Variants in CC2D2B observed in about 807,000 individuals in gnomAD.
The protein encoded by CC2D2B is protein CC2D2B.
Under a neutral mutation model 161.2 loss-of-function variants are expected in CC2D2B, and 128 were observed. The ratio of observed to expected loss-of-function variants is 0.79; its 90% CI spans 0.69 to 0.92. The LOEUF is 0.92. Among genes scored for constraint, CC2D2B ranks in the 40% least tolerant of loss-of-function variants. The probability of loss-of-function intolerance (pLI) is 0.00; values close to 1 mark genes in which losing one functional copy is unlikely to be tolerated. For missense variants in CC2D2B, 1,173 were observed against 1,375.1 expected, an observed-to-expected ratio of 0.85 and a Z score of 2.32; for synonymous variants, 391 against 449.8, an observed-to-expected ratio of 0.87 and a Z score of 1.65.
intron 33 of CC2D2B, among the ~76,000 whole-genome samples, chr10:96,026,639 T>C (rs1344356): frequency 0.52 from 78,857 of 151,832 alleles, 20,950 homozygotes; most frequent in East Asian, 0.82. Context: ...GCTGCCTACA[T>C]ACGGGTAACT....
In CC2D2B at chr10:95,961,868, C is replaced by T; in HGVS notation, c.1149C>T (p.Asp383=). 1.6e-6 allele frequency: 2 copies of T among 1,231,492 alleles called. No individual in the cohort carries two copies. Among genetic ancestry groups the T allele is most frequent in the South Asian group, 8.2e-5 (2 of 24,316 alleles). The allele number at this position is 1,231,492 out of a possible 1,614,324, so 76.3% of individuals were successfully genotyped here. Residue 383 remains aspartate, a synonymous_variant, in exon 12 of 35, where the codon GAC becomes GAT. Coordinates refer to ENST00000646931, the MANE Select transcript of CC2D2B (RefSeq NM_001349008.3). ...KQMYDLERGK[D]LSLLHSILRT... Reference sequence around the variant, plus strand: ...TGTATGACTTAGAAAGGGGAAAGGACCTCTCCCTACTACACAGTATATTAC... The same window carrying T: ...TGTATGACTTAGAAAGGGGAAAGGATCTCTCCCTACTACACAGTATATTAC...
At chr10:95,909,462 C>A (rs550389044) in intron 1 of CC2D2B, among the ~76,000 whole-genome samples, 3 of 152,182 alleles carry the variant, frequency 2.0e-5, no homozygotes, top group Non-Finnish European at 1.5e-5. Flanking sequence ...GGAAACATTG[C>A]TATAAGAGAG....
chr10:96,002,971 G>C (rs373006907), intron 24 of CC2D2B, among the ~76,000 whole-genome samples: 2 of 149,918 alleles, frequency 1.3e-5, no homozygotes, highest in East Asian at 3.9e-4. Context: ...TTGAGCCCAG[G>C]AGTTCAAGAT....
chr10:95,925,429 C>CT (rs2098536692), intron 5 of CC2D2B, among the ~76,000 whole-genome samples: 1 of 152,182 alleles, frequency 6.6e-6, no homozygotes, highest in Non-Finnish European at 1.5e-5. Flanking sequence ...CTGCTTCAGT[C>CT]TAATAGCCTC....
chr10:95,925,245 A>C (rs1456655361), intron 5 of CC2D2B, among the ~76,000 whole-genome samples: 1 of 152,204 alleles, frequency 6.6e-6, no homozygotes, highest in Non-Finnish European at 1.5e-5. Flanking sequence ...TGCATGCGGA[A>C]GCAAGGCAAA....
At chr10:95,942,978 ATGTCTTGGC>A (rs2076073271) in intron 9 of CC2D2B, among the ~76,000 whole-genome samples, 1 of 152,208 alleles carries the variant, frequency 6.6e-6, no homozygotes, top group East Asian at 1.9e-4. Context: ...GATTTCTGAA[ATGTCTTGGC>A]TCTATTCCCT....
chr10:95,988,599 T>G (rs1480971385), intron 20 of CC2D2B, among the ~76,000 whole-genome samples: 2 of 152,184 alleles, frequency 1.3e-5, no homozygotes, highest in Non-Finnish European at 2.9e-5. Flanking sequence ...ACTTCCCATC[T>G]CTTCTTTGAC....
intron 30 of CC2D2B, among the ~76,000 whole-genome samples, chr10:96,017,488 C>G (rs557087332): frequency 6.6e-6 from 1 of 152,258 alleles, no homozygotes; most frequent in East Asian, 1.9e-4. Context: ...ACAGTTTCAC[C>G]TCAGCCATGG....
At chr10:95,954,499 C>A (rs867444308) in intron 10 of CC2D2B, among the ~76,000 whole-genome samples, 1 of 152,208 alleles carries the variant, frequency 6.6e-6, no homozygotes, top group Middle Eastern at 3.4e-3. Context: ...GTTTCATTAC[C>A]ATATTTAATT....
chr10:95,969,158 A>G (rs2077038437), intron 15 of CC2D2B, among the ~76,000 whole-genome samples: 1 of 152,178 alleles, frequency 6.6e-6, no homozygotes, highest in Non-Finnish European at 1.5e-5. Context: ...GATGTGCAGC[A>G]CTACTATTCA....
chr10:95,943,405 T>C (rs1307377348), intron 9 of CC2D2B, among the ~76,000 whole-genome samples: 1 of 152,220 alleles, frequency 6.6e-6, no homozygotes, highest in Non-Finnish European at 1.5e-5. Flanking sequence ...GAACTACTTC[T>C]ATTATAAATC....
At chr10:95,995,389 A>G (rs2078191401) in intron 23 of CC2D2B, 24 bp downstream of exon 23, 1 of 1,102,954 alleles carries the variant, frequency 9.1e-7, no homozygotes, top group African/African-American at 1.6e-5. Flanking sequence ...ACTTCTATAA[A>G]GTATAATATT....
intron 10 of CC2D2B, among the ~76,000 whole-genome samples, chr10:95,952,698 A>G (rs2076444514): frequency 6.6e-6 from 1 of 151,894 alleles, no homozygotes; most frequent in Non-Finnish European, 1.5e-5. Flanking sequence ...TGAAATTAAT[A>G]CTCTATCTTG....
At chr10:96,003,106 G>A (rs530836365) in intron 24 of CC2D2B, among the ~76,000 whole-genome samples, 4 of 151,504 alleles carry the variant, frequency 2.6e-5, no homozygotes, top group African/African-American at 9.7e-5. Context: ...ATCAGGCTCT[G>A]TGATTTGCTG....
chr10:95,969,552 G>A (rs2077050897), intron 15 of CC2D2B, among the ~76,000 whole-genome samples: 1 of 152,058 alleles, frequency 6.6e-6, no homozygotes, highest in African/African-American at 2.4e-5. Context: ...TTGTGTGTAA[G>A]AAGGGAGGTG....
intron 2 of CC2D2B, among the ~76,000 whole-genome samples, chr10:95,913,972 C>A (rs893567214): frequency 4.6e-5 from 7 of 152,216 alleles, no homozygotes; most frequent in African/African-American, 1.2e-4. Context: ...TTGATGTGAT[C>A]CCATTTGTCC....
chr10:95,968,900 A>C lies in CC2D2B; in HGVS notation c.1643A>C (p.Glu548Ala). 1 of 1,226,296 alleles carries C rather than the reference A, an allele frequency of 8.2e-7. No homozygotes were observed. Among genetic ancestry groups the C allele is most frequent in the Non-Finnish European group, 1.0e-6 (1 of 982,868 alleles). The allele number at this position is 1,226,296 out of a possible 1,614,324, so 76.0% of individuals were successfully genotyped here. ...LMYWPEVICL[E>A]VYEKSKRTSL... ...TATTGGCCTGAAGTGATTTGTTTGGAGGTATGCCATTGTCATTTACTTTTG... is the reference window on the plus strand; with the variant it reads ...TATTGGCCTGAAGTGATTTGTTTGGCGGTATGCCATTGTCATTTACTTTTG... Residue 548 changes from glutamate (E) to alanine (A), a missense_variant and splice_region_variant, in exon 15 of 35, where the codon GAG (glutamate) becomes GCG (alanine). Physicochemically the swap from Glu to Ala is moderately radical, Grantham distance 107 (BLOSUM62 -1). Around this residue, in one of 3 missense-constraint regions of CC2D2B, gnomAD observed 277 missense variants for 420.6 expected, o/e 0.66. Transcript: ENST00000646931.
At chr10:95,913,638 G>A (rs556273488) in intron 2 of CC2D2B, among the ~76,000 whole-genome samples, 1 of 152,138 alleles carries the variant, frequency 6.6e-6, no homozygotes, top group African/African-American at 2.4e-5. Context: ...ATTATTGCCT[G>A]TCTTTTGGTT....
At chr10:95,999,205 A>T (rs950942998) in intron 24 of CC2D2B, among the ~76,000 whole-genome samples, 14 of 152,258 alleles carry the variant, frequency 9.2e-5, no homozygotes, top group African/African-American at 3.4e-4. Context: ...ATAGTCATAT[A>T]GTTGGAATCA....
Sources: allele counts gnomAD v4.1 joint callset (sites outside exome capture counted in the v4.1 genomes callset), GRCh38; gene constraint gnomAD v4.1.1; regional missense constraint gnomAD v4.1.1; transcripts MANE v1.5; gene names NCBI Gene and HGNC (gene_info 2026-07-23, HGNC 2026-07-21).